FOCAD: variants seen among roughly 807,000 people sequenced by gnomAD.
FOCAD encodes focadhesin, also known as KIAA1797.
Under a neutral mutation model 225.6 loss-of-function variants are expected in FOCAD, and 198 were observed. That is an observed-to-expected ratio of 0.88 (90% CI 0.78 to 0.99). The LOEUF is 0.99. Among genes scored for constraint, FOCAD ranks in the 50% least tolerant of loss-of-function variants. The probability of loss-of-function intolerance (pLI) is 0.00; values close to 1 mark genes in which losing one functional copy is unlikely to be tolerated. For synonymous variants in FOCAD, 897 were observed against 755.0 expected (o/e 1.19, Z -3.08); for missense variants, 2,713 against 2,123.6 (o/e 1.28, Z -5.46).
intron 10 of FOCAD, among the ~76,000 whole-genome samples, chr9:20,783,040 G>T (rs538712814): frequency 6.6e-6 from 1 of 152,110 alleles, no homozygotes; most frequent in Admixed American, 6.6e-5. Flanking sequence ...TTACCTCTTG[G>T]TTTGCCCATG....
chr9:20,917,843 TTTCTTAAACAGA>T (rs1227572329), intron 24 of FOCAD, among the ~76,000 whole-genome samples: 2 of 152,206 alleles, frequency 1.3e-5, no homozygotes, highest in Non-Finnish European at 2.9e-5. Flanking sequence ...CTATCAATAA[TTTCTTAAACAGA>T]CACTTAACTG....
intron 28 of FOCAD, among the ~76,000 whole-genome samples, chr9:20,939,675 T>G (rs1344202885): frequency 6.6e-6 from 1 of 151,886 alleles, no homozygotes; most frequent in Non-Finnish European, 1.5e-5. Flanking sequence ...TTACCTTCTT[T>G]GTTGATTCTT....
chr9:20,987,444 G>T (rs904052072), intron 40 of FOCAD, among the ~76,000 whole-genome samples: 1 of 151,690 alleles, frequency 6.6e-6, no homozygotes. Flanking sequence ...GGAGGCAAAG[G>T]TTGCAGTGAG....
rs552639818 is a variant in FOCAD, at chr9:20,720,406, G to C, written c.159G>C (p.Glu53Asp). The C allele has an allele frequency of 1.1e-5, 17 of 1,614,018 alleles. No individual in the cohort carries two copies. The African/African-American group carries it at 2.0e-4, about 19-fold the overall frequency. ...CTCCTGCTTTGAACTTGCTGTGGGA[G>C]AAGTGTTGCAGTGACAATGTAGTGG... ...NQTPALNLLWEKCCSDNVVVR... is the reference protein window; with the variant it reads ...NQTPALNLLWDKCCSDNVVVR... Residue 53 changes from glutamate (E) to aspartate (D), a missense_variant, in exon 4 of 44, where the codon GAG becomes GAC. Glu to Asp is a conservative substitution (Grantham distance 45). Coordinates refer to ENST00000338382, the MANE Select transcript of FOCAD (RefSeq NM_001375567.1).
chr9:20,956,131 AC>A, intron 35 of FOCAD, among the ~76,000 whole-genome samples: 1 of 152,344 alleles, frequency 6.6e-6, no homozygotes. Flanking sequence ...GGGCTTGGAT[AC>A]GAAGTACAGG....
intron 9 of FOCAD, among the ~76,000 whole-genome samples, chr9:20,781,232 G>C (rs1469245734): frequency 6.6e-6 from 1 of 152,026 alleles, no homozygotes; most frequent in Non-Finnish European, 1.5e-5. Context: ...TGTTATTTTG[G>C]TTCTGGACTT....
rs1824269770 is a variant in FOCAD, at chr9:20,821,046, T to G, written c.1768T>G (p.Ser590Ala). ...GGAGAAACTGATTGCAAAAGCAGCA[T>G]CAATCAGAGATATATGTAAGCAGAG... Reference protein sequence around the residue: ...QWEKLIAKAASIRDICKQRPY... With the variant: ...QWEKLIAKAAAIRDICKQRPY... The change falls in exon 14 of 44, where the codon TCA becomes GCA. Residue 590 changes from serine (S) to alanine (A), a missense_variant. Physicochemically the swap from Ser to Ala is moderately conservative, Grantham distance 99. Coordinates refer to ENST00000338382, the MANE Select transcript of FOCAD (RefSeq NM_001375567.1). The G allele has an allele frequency of 6.2e-7, 1 of 1,612,542 alleles. No individual in the cohort carries two copies. The highest frequency in any genetic ancestry group is 1.3e-5 in the African/African-American group (1 of 74,826).
At chr9:20,668,735 C>T (rs545110418) in intron 2 of FOCAD, among the ~76,000 whole-genome samples, 153 of 152,296 alleles carry the variant, frequency 1.0e-3, no homozygotes, top group African/African-American at 3.5e-3. Context: ...TTAGCCTTGT[C>T]AGGAGATTGA....
intron 1 of FOCAD, chr9:20,694,388 A>G (rs1038312560): frequency 2.6e-5 from 4 of 152,334 alleles, no homozygotes; most frequent in East Asian, 3.9e-4. Context: ...TATAAAGTCA[A>G]TCTGAACCAT....
chr9:20,663,862 T>A (rs955543193), intron 2 of FOCAD, among the ~76,000 whole-genome samples: 5 of 152,246 alleles, frequency 3.3e-5, no homozygotes, highest in African/African-American at 7.2e-5. Flanking sequence ...TTTCTCCCAA[T>A]CTTCATACTT....
At chr9:20,778,972 G>A (rs1819078310) in intron 9 of FOCAD, among the ~76,000 whole-genome samples, 1 of 151,940 alleles carries the variant, frequency 6.6e-6, no homozygotes, top group East Asian at 1.9e-4. Context: ...CAAGTATCTC[G>A]GCTGCATGTT....
intron 23 of FOCAD, among the ~76,000 whole-genome samples, chr9:20,913,361 CATA>C (rs1392527154): frequency 6.6e-6 from 1 of 152,090 alleles, no homozygotes; most frequent in Non-Finnish European, 1.5e-5. Context: ...TTCCCCAAGA[CATA>C]ATTATTAGGA....
intron 4 of FOCAD, among the ~76,000 whole-genome samples, chr9:20,733,450 C>T (rs545911494): frequency 2.0e-4 from 30 of 152,164 alleles, no homozygotes; most frequent in Admixed American, 2.0e-4. Flanking sequence ...TGGTGTGCTG[C>T]ACCCATTAAC....
At chr9:20,934,470 C>T (rs1226100074) in intron 28 of FOCAD, among the ~76,000 whole-genome samples, 4 of 151,662 alleles carry the variant, frequency 2.6e-5, no homozygotes, top group Admixed American at 6.6e-5. Flanking sequence ...TTACCAGTTA[C>T]CCCCAGCACC....
chr9:20,926,197 C>G, intron 25 of FOCAD, 104 bp from the exon 26 acceptor site: 1 of 690,876 alleles, frequency 1.4e-6, no homozygotes, highest in Non-Finnish European at 2.5e-6. Flanking sequence ...TTTTTGATAA[C>G]AGCACTTTAT....
chr9:20,926,396 A>T lies in FOCAD; in HGVS notation c.3057A>T (p.Gln1019His), dbSNP rs757172095. 1.2e-6 allele frequency: 2 copies of T among 1,608,122 alleles called. No homozygotes were observed. Among genetic ancestry groups the T allele is most frequent in the Admixed American group, 1.7e-5 (1 of 60,014 alleles). ...ATAGCCATTACCAACCCAGAGGGCA[A>T]CTTCTCTCCTGGTTTTATTATGTAA... ...IVDSHYQPRG[Q>H]LLSWFYYKSY... Residue 1019 changes from glutamine to histidine, a missense_variant, in exon 26 of 44, where the codon CAA (glutamine) becomes CAT (histidine). Transcript: ENST00000338382.
At chr9:20,685,694 T>C (rs1822621807) in intron 1 of FOCAD, among the ~76,000 whole-genome samples, 1 of 152,228 alleles carries the variant, frequency 6.6e-6, no homozygotes, top group Non-Finnish European at 1.5e-5. Context: ...ACCTCTGCCT[T>C]GATTATTTGC....
intron 15 of FOCAD, among the ~76,000 whole-genome samples, chr9:20,844,313 A>T (rs925440777): frequency 1.3e-5 from 2 of 149,870 alleles, no homozygotes; most frequent in African/African-American, 4.9e-5. Context: ...GTAATGAGAT[A>T]AAGGGCAGAC....
chr9:20,989,301 C>G (rs770815820), intron 41 of FOCAD, among the ~76,000 whole-genome samples: 7 of 152,238 alleles, frequency 4.6e-5, no homozygotes, highest in African/African-American at 1.2e-4. Flanking sequence ...TTTTTTTGAA[C>G]TTGCGTGATC....
Sources: allele counts gnomAD v4.1 joint callset (sites outside exome capture counted in the v4.1 genomes callset), GRCh38; gene constraint gnomAD v4.1.1; transcripts MANE v1.5; gene names NCBI Gene and HGNC (gene_info 2026-07-23, HGNC 2026-07-21).